The following HS6ST3 variants were observed in gnomAD, a reference collection of about 807,000 sequenced individuals.
HS6ST3 encodes heparan-sulfate 6-O-sulfotransferase 3.
A neutral mutation model predicts 36.7 loss-of-function variants in HS6ST3; 12 were observed. That is an observed-to-expected ratio of 0.33 (90% confidence interval 0.21 to 0.53). The LOEUF (loss-of-function observed/expected upper bound fraction) is 0.53, where lower values mean the gene tolerates loss of function less well. Ranked by LOEUF, HS6ST3 falls within the 20% of genes least tolerant of loss-of-function variation. The pLI, the probability that HS6ST3 is intolerant of heterozygous loss-of-function variation, is 0.95. For synonymous variants in HS6ST3, 240 were observed against 257.5 expected (o/e 0.93, Z 0.65); for missense variants, 584 against 640.9 (o/e 0.91, Z 0.96).
intron 1 of HS6ST3, among the ~76,000 whole-genome samples, chr13:96,617,863 C>T (rs2056480165): frequency 6.6e-6 from 1 of 152,188 alleles, no homozygotes; most frequent in South Asian, 2.1e-4. Context: ...CTTTCAGTTC[C>T]ACTGAAAAGA....
intron 1 of HS6ST3, among the ~76,000 whole-genome samples, chr13:96,729,298 G>C (rs998124405): frequency 2.0e-5 from 3 of 152,010 alleles, no homozygotes; most frequent in African/African-American, 7.3e-5. Flanking sequence ...TGCTGTCCTT[G>C]CATCATCCCA....
chr13:96,660,616 G>A (rs1002064041), intron 1 of HS6ST3, among the ~76,000 whole-genome samples: 3 of 152,004 alleles, frequency 2.0e-5, no homozygotes, highest in Admixed American at 6.6e-5. Flanking sequence ...CATTGGACTT[G>A]GCAATGATTT....
chr13:96,656,996 TGTGAGA>T (rs1183947668), intron 1 of HS6ST3, among the ~76,000 whole-genome samples: 6 of 124,172 alleles, frequency 4.8e-5, no homozygotes, highest in Non-Finnish European at 6.9e-5. Context: ...TGTGTGTGTG[TGTGAGA>T]GAGAGAGAGA....
chr13:96,485,917 G>A (rs1019344615), intron 1 of HS6ST3, among the ~76,000 whole-genome samples: 1 of 152,134 alleles, frequency 6.6e-6, no homozygotes, highest in Non-Finnish European at 1.5e-5. Flanking sequence ...ACAACGTGCA[G>A]GTTAGTTACA....
At chr13:96,341,642 G>A (rs184560555) in intron 1 of HS6ST3, among the ~76,000 whole-genome samples, 1 of 152,276 alleles carries the variant, frequency 6.6e-6, no homozygotes, top group East Asian at 1.9e-4. Flanking sequence ...GTCCACTTAA[G>A]TGGAAATTTT....
chr13:96,238,024 T>C (rs1265863046), intron 1 of HS6ST3, among the ~76,000 whole-genome samples: 1 of 152,156 alleles, frequency 6.6e-6, no homozygotes, highest in African/African-American at 2.4e-5. Flanking sequence ...ACATCTTCAG[T>C]TAATTATCTT....
intron 1 of HS6ST3, among the ~76,000 whole-genome samples, chr13:96,371,406 T>G (rs1243883674): frequency 6.6e-6 from 1 of 152,194 alleles, no homozygotes; most frequent in Non-Finnish European, 1.5e-5. Context: ...TGTGACATGA[T>G]TACCACAATC....
At chr13:96,578,485 T>C (rs558917613) in intron 1 of HS6ST3, among the ~76,000 whole-genome samples, 15 of 152,298 alleles carry the variant, frequency 9.8e-5, no homozygotes, top group African/African-American at 3.6e-4. Context: ...GAAAAGGGAA[T>C]GTTTTCTGCC....
At chr13:96,454,129 G>A (rs946366208) in intron 1 of HS6ST3, among the ~76,000 whole-genome samples, 1 of 152,026 alleles carries the variant, frequency 6.6e-6, no homozygotes, top group African/African-American at 2.4e-5. Flanking sequence ...TGGCTTTGTG[G>A]GCAGTAGATG....
chr13:96,107,965 G>T (rs1433704731), intron 1 of HS6ST3, among the ~76,000 whole-genome samples: 1 of 152,062 alleles, frequency 6.6e-6, no homozygotes, highest in Non-Finnish European at 1.5e-5. Flanking sequence ...ATGTGTATTT[G>T]AACAATATGA....
chr13:96,679,989 G>T lies in HS6ST3; in HGVS notation c.708-152501G>T, dbSNP rs2056712642. 3.9e-5 allele frequency among the ~76,000 whole-genome samples: 6 copies of T among 152,048 alleles called. No individual in the cohort carries two copies. The South Asian group carries it at 1.2e-3, about 32-fold the overall frequency. ...TAAAAGCAGAGGTGGTAGCAACGTG[G>T]GGAAGGAAGGCAAAGGGGGGAAGTG... is the stretch of plus-strand genomic sequence containing the variant. On this transcript the variant is annotated intron_variant, in intron 1 of 1. Coordinates refer to ENST00000376705, the MANE Select transcript of HS6ST3 (RefSeq NM_153456.4).
At chr13:96,826,141 C>A (rs1318808171) in intron 1 of HS6ST3, among the ~76,000 whole-genome samples, 2 of 152,060 alleles carry the variant, frequency 1.3e-5, no homozygotes, top group Non-Finnish European at 1.5e-5. Context: ...AATAAATAAA[C>A]CTCATTGTTA....
intron 1 of HS6ST3, among the ~76,000 whole-genome samples, chr13:96,668,686 C>CTTTTTTTTTTTTTTTTTTTT (rs146033180): frequency 3.4e-5 from 2 of 58,942 alleles, no homozygotes; most frequent in Non-Finnish European, 6.3e-5. Context: ...TAGTGCCAAC[C>CTTTTTTTTTTTTTTTTTTTT]TTTTTTTTTT....
At chr13:96,749,196 T>C (rs1876635347) in intron 1 of HS6ST3, among the ~76,000 whole-genome samples, 1 of 152,172 alleles carries the variant, frequency 6.6e-6, no homozygotes, top group Non-Finnish European at 1.5e-5. Flanking sequence ...CAACTACATT[T>C]TTTTTTATTT....
At chr13:96,626,469 T>G (rs535567850) in intron 1 of HS6ST3, among the ~76,000 whole-genome samples, 1 of 152,310 alleles carries the variant, frequency 6.6e-6, no homozygotes, top group South Asian at 2.1e-4. Context: ...CATTGGTTTA[T>G]TTAAATGTAT....
At chr13:96,461,703 C>T (rs2055785170) in intron 1 of HS6ST3, among the ~76,000 whole-genome samples, 1 of 152,128 alleles carries the variant, frequency 6.6e-6, no homozygotes, top group South Asian at 2.1e-4. Context: ...CTGCCAAATC[C>T]ACAAAACCTT....
chr13:96,708,700 C>T (rs1165151016), intron 1 of HS6ST3, among the ~76,000 whole-genome samples: 1 of 152,120 alleles, frequency 6.6e-6, no homozygotes, highest in African/African-American at 2.4e-5. Context: ...CTGGCCAGGC[C>T]ACACCAACTG....
rs141045693 is a variant in HS6ST3 at position 96,712,665 on chromosome 13, G to A, written c.708-119825G>A. 3.4e-3 allele frequency among the ~76,000 whole-genome samples: 514 copies of A among 152,236 alleles called. 3 individuals carry two copies. Among genetic ancestry groups the A allele is most frequent in the Non-Finnish European group, 6.4e-3 (434 of 68,026 alleles). Reference sequence around the variant, plus strand: ...TCAAGGTGACTCAATTTCATATGTCGATAGGCAACTGTCAGATGGCTTCCG... The same window carrying A: ...TCAAGGTGACTCAATTTCATATGTCAATAGGCAACTGTCAGATGGCTTCCG... On this transcript the variant is annotated intron_variant, in intron 1 of 1. Transcript: ENST00000376705.
chr13:96,258,962 C>T (rs1260402933), intron 1 of HS6ST3, among the ~76,000 whole-genome samples: 2 of 151,994 alleles, frequency 1.3e-5, no homozygotes, highest in African/African-American at 4.8e-5. Flanking sequence ...CTCACTCTAA[C>T]TGGGGAGAGC....
Sources: gnomAD v4.1 joint callset for allele counts (sites outside exome capture counted in the v4.1 genomes callset) on GRCh38, gnomAD v4.1.1 for gene constraint, MANE v1.5 for transcripts, NCBI Gene and HGNC (gene_info 2026-07-23, HGNC 2026-07-21) for gene names.